Variants in PFKFB3 observed in about 807,000 individuals in gnomAD.
PFKFB3 encodes the protein 6-phosphofructo-2-kinase/fructose-2,6-bisphosphatase 3.
In PFKFB3, 33 loss-of-function variants were observed where a neutral mutation model predicts 68.0. That is an observed-to-expected ratio of 0.49 (90% CI 0.37 to 0.65). PFKFB3 has a LOEUF of 0.65. PFKFB3 is among the 30% of genes least tolerant of loss of function. PFKFB3 has a pLI of 0.00. For synonymous variants in PFKFB3, 315 were observed against 288.2 expected (o/e 1.09, Z -0.94); for missense variants, 586 against 712.2 (o/e 0.82, Z 2.02).
At chr10:6,240,813 G>A (rs148107160) in intron 14 of PFKFB3, among the ~76,000 whole-genome samples, 85 of 152,110 alleles carry the variant, frequency 5.6e-4, no homozygotes, top group Non-Finnish European at 9.7e-4. Flanking sequence ...TATCTCCTTA[G>A]ACTCCTTCAA....
At chr10:6,300,841 T>A in the PFKFB3 span, among the ~76,000 whole-genome samples, 468 of 152,354 alleles carry the variant, frequency 3.1e-3, 3 homozygotes, top group African/African-American at 0.011. Flanking sequence ...GAGGCGATTA[T>A]GCTGTAGGTA....
At chr10:6,201,512 T>C (rs1843351664), upstream of PFKFB3, among the ~76,000 whole-genome samples, 1 of 147,468 alleles carries the variant, frequency 6.8e-6, no homozygotes, top group Non-Finnish European at 1.5e-5. The surrounding 1 kb of genome is among the most constrained non-coding windows in gnomAD (Gnocchi z 4.1). Context: ...GTGGCCGATG[T>C]TGCGCGTTCC....
chr10:6,215,699 G>A lies in PFKFB3; in HGVS notation c.299+382G>A, dbSNP rs1245151439. ...CTGTTCATCGGGAGTGTCTGTTTAT[G>A]TTTGGAAAGGATTTCTTGTTAAGTG... On this transcript the variant is annotated intron_variant, in intron 3 of 14. Transcript: ENST00000379775. This position sits in a 1 kb window ranked among gnomAD's most constrained non-coding sequence, Gnocchi z 4.3. 6.6e-6 allele frequency among the ~76,000 whole-genome samples: 1 copy of A among 152,214 alleles called. No homozygotes were observed. The highest frequency in any genetic ancestry group is 6.5e-5 in the Admixed American group (1 of 15,284).
At chr10:6,202,789 C>T, upstream of PFKFB3, 1 of 760,720 alleles carries the variant, frequency 1.3e-6, no homozygotes, top group Non-Finnish European at 1.6e-6. Context: ...AGGGGGAGCT[C>T]GCAGGCTGCT....
At chr10:6,175,739 G>A (rs760526797) in intron 1 of PFKFB3, among the ~76,000 whole-genome samples, 1 of 152,186 alleles carries the variant, frequency 6.6e-6, no homozygotes, top group Non-Finnish European at 1.5e-5. Context: ...TACCCAAATG[G>A]CCCGTAAGCA....
chr10:6,273,378 C>G, the PFKFB3 span, among the ~76,000 whole-genome samples: 2 of 152,166 alleles, frequency 1.3e-5, no homozygotes, highest in African/African-American at 2.4e-5. Flanking sequence ...AAAGCGTTGC[C>G]TTCCCGAGAA....
At chr10:6,285,464 C>T in the PFKFB3 span, among the ~76,000 whole-genome samples, 2 of 152,110 alleles carry the variant, frequency 1.3e-5, no homozygotes, top group East Asian at 3.8e-4. Flanking sequence ...AACTCCTGCC[C>T]TCAAGTGATC....
the PFKFB3 span, among the ~76,000 whole-genome samples, chr10:6,303,511 T>C: frequency 3.9e-5 from 6 of 152,242 alleles, no homozygotes; most frequent in East Asian, 5.8e-4. Context: ...TTATTTACTC[T>C]TGATGAAAAT....
chr10:6,216,063 G>T, intron 3 of PFKFB3, 62 bp from the exon 4 acceptor site: 1 of 1,472,324 alleles, frequency 6.8e-7, no homozygotes, highest in South Asian at 1.1e-5. Flanking sequence ...GTCGGGAGTT[G>T]CTTGGGCTGC....
intron 1 of PFKFB3, among the ~76,000 whole-genome samples, chr10:6,191,878 C>T (rs1434781517): frequency 2.6e-5 from 4 of 152,024 alleles, no homozygotes; most frequent in Non-Finnish European, 1.5e-5. Flanking sequence ...GCTCTTTAGC[C>T]GTTTCTCGTA....
the PFKFB3 span, among the ~76,000 whole-genome samples, chr10:6,324,871 G>C: frequency 6.6e-6 from 1 of 151,214 alleles, no homozygotes; most frequent in Non-Finnish European, 1.5e-5. Flanking sequence ...TCTTAACTTA[G>C]GGCTCACAAC....
At chr10:6,262,365 A>T in the PFKFB3 span, among the ~76,000 whole-genome samples, 154 of 54,608 alleles carry the variant, frequency 2.8e-3, no homozygotes, top group African/African-American at 7.0e-3. Flanking sequence ...GAGGCAGGAG[A>T]ATGGCGTGAA....
At chr10:6,317,660 T>C in the PFKFB3 span, among the ~76,000 whole-genome samples, 1 of 152,092 alleles carries the variant, frequency 6.6e-6, no homozygotes, top group African/African-American at 2.4e-5. Flanking sequence ...GATCCTAAGG[T>C]CTAGGATTCA....
intron 1 of PFKFB3, among the ~76,000 whole-genome samples, chr10:6,210,100 G>A (rs1844072674): frequency 8.3e-6 from 1 of 120,750 alleles, no homozygotes; most frequent in Admixed American, 8.8e-5. Context: ...AGGGTGATGA[G>A]GCGGGTGGGG....
At chr10:6,206,552 C>T (rs1283887472) in intron 1 of PFKFB3, among the ~76,000 whole-genome samples, 1 of 87,420 alleles carries the variant, frequency 1.1e-5, no homozygotes, top group Admixed American at 1.2e-4. Flanking sequence ...CCCCTCACCT[C>T]CCGGACGGGG....
At position 6,213,635 on chromosome 10, in the gene PFKFB3, A is replaced by C; in HGVS notation, c.89A>C (p.Lys30Thr). 3.1e-6 allele frequency: 5 copies of C among 1,612,720 alleles called. No homozygotes were observed. Among genetic ancestry groups the C allele is most frequent in the Non-Finnish European group, 4.2e-6 (5 of 1,179,420 alleles). ...RPSLPRSCGP[K>T]LTNSPTVIVM... ...CTTGTTTTTCCAGCCTGTGGGCCAA[A>C]GCTGACCAACTCCCCCACCGTCATC... Residue 30 changes from lysine (K) to threonine (T), a missense_variant, in exon 2 of 15, where the codon AAG (lysine) becomes ACG (threonine). Transcript: ENST00000379775.
At chr10:6,223,819 G>A (rs577708587) in intron 11 of PFKFB3, 139 bp from the exon 12 acceptor site, 2 of 732,322 alleles carry the variant, frequency 2.7e-6, no homozygotes, top group Admixed American at 1.9e-5. Context: ...GTTTTGCCAT[G>A]TTGGTCAGGC....
At chr10:6,257,675 T>G (rs1846505082), downstream of PFKFB3, among the ~76,000 whole-genome samples, 1 of 152,192 alleles carries the variant, frequency 6.6e-6, no homozygotes, top group East Asian at 1.9e-4. Context: ...GAGTATTGCA[T>G]GCTGTGGGTC....
chr10:6,224,993 G>C (rs4747951), intron 13 of PFKFB3, among the ~76,000 whole-genome samples: 1 of 147,796 alleles, frequency 6.8e-6, no homozygotes, highest in Non-Finnish European at 1.5e-5. Flanking sequence ...GGGGTGGCGG[G>C]TGGGGAGGCG....
Sources: gnomAD v4.1 joint callset for allele counts (sites outside exome capture counted in the v4.1 genomes callset) on GRCh38, gnomAD v4.1.1 for gene constraint, Gnocchi (gnomAD v3.1) non-coding constraint, MANE v1.5 for transcripts, NCBI Gene and HGNC (gene_info 2026-07-23, HGNC 2026-07-21) for gene names.